The following BCL9 variants were observed in gnomAD, a reference collection of about 807,000 sequenced individuals.
The protein encoded by BCL9 is BCL9 transcription coactivator.
In BCL9, 25 loss-of-function variants were observed where a neutral mutation model predicts 88.5. The ratio of observed to expected loss-of-function variants is 0.28; its 90% CI spans 0.21 to 0.39. The LOEUF is 0.39. BCL9 is among the 10% of genes least tolerant of loss of function. BCL9 has a pLI of 1.00. For synonymous variants in BCL9, 711 were observed against 673.3 expected, an observed-to-expected ratio of 1.06 and a Z score of -0.87; for missense variants, 1,817 against 1,877.8, an observed-to-expected ratio of 0.97 and a Z score of 0.60.
In BCL9 at chr1:147,619,896, C is replaced by A; in HGVS notation, c.1741C>A (p.Pro581Thr). The stretch of plus-strand genomic sequence containing the variant: ...AATGGAAGGGCCGAATGTCCCCAAC[C>A]CTGCATCTAGACCAGGTCTTTCTGG... ...SEMEGPNVPN[P>T]ASRPGLSGVS... Residue 581 changes from proline (P) to threonine (T), a missense_variant, in exon 8 of 10, where the codon CCT (proline) becomes ACT (threonine). Physicochemically the swap from Pro to Thr is conservative, Grantham distance 38 (BLOSUM62 -1). Around this residue, in one of 2 missense-constraint regions of BCL9, gnomAD observed 1,228 missense variants for 1,191.6 expected, o/e 1.03. Coordinates refer to ENST00000234739, the MANE Select transcript of BCL9 (RefSeq NM_004326.4). This position sits in a 1 kb window ranked among gnomAD's most constrained non-coding sequence, Gnocchi z 4.1. The A allele has an allele frequency of 2.5e-6, 4 of 1,614,202 alleles. No homozygotes were observed. Among genetic ancestry groups the A allele is most frequent in the Non-Finnish European group, 3.4e-6 (4 of 1,180,042 alleles).
At chr1:147,558,251 T>C (rs1463873770) in intron 1 of BCL9, among the ~76,000 whole-genome samples, 1 of 152,180 alleles carries the variant, frequency 6.6e-6, no homozygotes, top group Non-Finnish European at 1.5e-5. Flanking sequence ...CAGATTAATC[T>C]GTCTCAAAAT....
At chr1:147,586,731 G>C (rs1656619092) in intron 1 of BCL9, among the ~76,000 whole-genome samples, 1 of 152,092 alleles carries the variant, frequency 6.6e-6, no homozygotes, top group Non-Finnish European at 1.5e-5. Flanking sequence ...CGGCTATGCT[G>C]TTCTTTTACC....
At chr1:147,584,478 A>T (rs628928) in intron 1 of BCL9, among the ~76,000 whole-genome samples, 8 of 151,928 alleles carry the variant, frequency 5.3e-5, no homozygotes, top group African/African-American at 1.9e-4. Flanking sequence ...CAGACAGTAG[A>T]ATTATTATTC....
chr1:147,588,358 T>A (rs1054300817), intron 1 of BCL9, among the ~76,000 whole-genome samples: 2 of 151,586 alleles, frequency 1.3e-5, no homozygotes, highest in Non-Finnish European at 2.9e-5. Context: ...CTTCCTTTCC[T>A]ACTCTCCACT....
intron 1 of BCL9, among the ~76,000 whole-genome samples, chr1:147,589,906 T>C (rs1394253738): frequency 1.3e-5 from 2 of 152,210 alleles, no homozygotes; most frequent in Non-Finnish European, 2.9e-5. Context: ...TTTAACAAAC[T>C]GCTAAACTGT....
chr1:147,548,791 C>T (rs1217316465), intron 1 of BCL9, among the ~76,000 whole-genome samples: 1 of 151,626 alleles, frequency 6.6e-6, no homozygotes, highest in Non-Finnish European at 1.5e-5. Context: ...TAGTGAGACC[C>T]TGTCTCAAAA....
chr1:147,548,166 G>A (rs1654690227), intron 1 of BCL9, among the ~76,000 whole-genome samples: 1 of 152,116 alleles, frequency 6.6e-6, no homozygotes. Flanking sequence ...GTTATCCTTA[G>A]GGCTTGTGTA....
chr1:147,618,208 G>A (rs1362887812), intron 7 of BCL9, among the ~76,000 whole-genome samples: 4 of 152,116 alleles, frequency 2.6e-5, no homozygotes, highest in East Asian at 1.9e-4. Flanking sequence ...AACCAAAAAC[G>A]GAAACCAGAG....
intron 1 of BCL9, among the ~76,000 whole-genome samples, chr1:147,575,660 T>C (rs1656073852): frequency 6.6e-6 from 1 of 152,214 alleles, no homozygotes; most frequent in Admixed American, 6.5e-5. Context: ...TTTTCTTTCC[T>C]CTCATTTCAA....
chr1:147,568,793 C>A (rs1441758053), intron 1 of BCL9, among the ~76,000 whole-genome samples: 1 of 152,266 alleles, frequency 6.6e-6, no homozygotes, highest in African/African-American at 2.4e-5. Flanking sequence ...AGAAGGAATA[C>A]ATTTCTTTAA....
intron 1 of BCL9, among the ~76,000 whole-genome samples, chr1:147,550,505 A>G (rs1654841116): frequency 6.6e-6 from 1 of 152,216 alleles, no homozygotes; most frequent in Non-Finnish European, 1.5e-5. Flanking sequence ...TAGCTCTTAG[A>G]TGAGTGACGT....
At position 147,619,548 on chromosome 1, in the gene BCL9, A is replaced by G. The variant is rs1318865385; in HGVS notation, c.1393A>G (p.Met465Val). 3.1e-6 allele frequency: 5 copies of G among 1,614,004 alleles called. No homozygotes were observed. Among genetic ancestry groups the G allele is most frequent in the Admixed American group, 3.3e-5 (2 of 60,010 alleles). Residue 465 changes from methionine to valine, a missense_variant, in exon 8 of 10, where the codon ATG becomes GTG. By Grantham distance (21) the Met-to-Val change is conservative. Transcript: ENST00000234739. The surrounding 1 kb of genome is among the most constrained non-coding windows in gnomAD (Gnocchi z 4.1). ...CATAGGACCCGACCACCTTGACCAT[A>G]TGACTCCCGAGCAGATAGCGTGGCT... The part of the protein sequence containing the change: ...GTIGPDHLDH[M>V]TPEQIAWLKL...
intron 2 of BCL9, among the ~76,000 whole-genome samples, chr1:147,605,373 C>CG (rs1657641254): frequency 6.6e-6 from 1 of 152,072 alleles, no homozygotes; most frequent in South Asian, 2.1e-4. Context: ...ATTATAATGC[C>CG]GGGGGCCATG....
In BCL9 at chr1:147,619,330, C is replaced by T. The variant is rs1658473197; in HGVS notation, c.1175C>T (p.Pro392Leu). 7.4e-6 allele frequency: 12 copies of T among 1,613,918 alleles called. No homozygotes were observed. Among genetic ancestry groups the T allele is most frequent in the Non-Finnish European group, 1.0e-5 (12 of 1,180,026 alleles). The change falls in exon 8 of 10, where the codon CCT becomes CTT. Residue 392 changes from proline (P) to leucine (L), a missense_variant. Physicochemically the swap from Pro to Leu is moderately conservative, Grantham distance 98. Coordinates refer to ENST00000234739, the MANE Select transcript of BCL9 (RefSeq NM_004326.4). The surrounding 1 kb of genome is among the most constrained non-coding windows in gnomAD (Gnocchi z 4.1). ...GAQSGGPQQN[P>L]GVLDGPQKKP... ...CAAAGTGGGGGACCGCAGCAGAATC[C>T]TGGGGTATTAGATGGGCCTCAGAAA...
intron 1 of BCL9, among the ~76,000 whole-genome samples, chr1:147,558,450 G>A (rs1553195683): frequency 1.3e-5 from 2 of 152,158 alleles, no homozygotes; most frequent in South Asian, 4.1e-4. Flanking sequence ...GGATTTCTAA[G>A]AGTAGAAGGA....
rs147885873 is a variant in BCL9 at position 147,623,969 on chromosome 1, C to T, written c.3291C>T (p.Ala1097=). The T allele has an allele frequency of 6.0e-4, 966 of 1,614,168 alleles. 9 individuals are homozygous for T. In the South Asian group the frequency reaches 9.8e-3, roughly 16 times the overall value. The change falls in exon 10 of 10, where the codon GCC becomes GCT. Residue 1097 remains alanine (A), a synonymous_variant. Transcript: ENST00000234739. ...CCAATCAGATGCCCTCTCCAAATGC[C>T]GTGGGACCCAACATACCTCCTCATG... ...SHSNQMPSPN[A]VGPNIPPHGV...
At chr1:147,590,876 C>T (rs1003397211) in intron 1 of BCL9, among the ~76,000 whole-genome samples, 46 of 152,334 alleles carry the variant, frequency 3.0e-4, no homozygotes, top group African/African-American at 1.1e-3. Flanking sequence ...TGGGAGCTAT[C>T]TACTACGCCT....
Position 147,618,909 on chromosome 1 carries a change from A to G in BCL9, c.754A>G (p.Thr252Ala). 1 of 1,613,730 alleles carries G rather than the reference A, an allele frequency of 6.2e-7. No homozygotes were observed. Among genetic ancestry groups the G allele is most frequent in the Non-Finnish European group, 8.5e-7 (1 of 1,179,762 alleles). ...CCAGGACCAGAATTCTTCCCAGAAT[A>G]CCAGACTGCAGCCAACTCCACCCAT... ...ANQDQNSSQN[T>A]RLQPTPPIPA... Residue 252 changes from threonine to alanine, a missense_variant, in exon 8 of 10, where the codon ACC becomes GCC. Around this residue, in one of 2 missense-constraint regions of BCL9, gnomAD observed 1,228 missense variants for 1,191.6 expected, o/e 1.03. Coordinates refer to ENST00000234739, the MANE Select transcript of BCL9 (RefSeq NM_004326.4).
At chr1:147,610,454 T>C (rs1302675843) in intron 3 of BCL9, among the ~76,000 whole-genome samples, 1 of 152,202 alleles carries the variant, frequency 6.6e-6, no homozygotes, top group African/African-American at 2.4e-5. Context: ...GTGACAGTGA[T>C]CATAGTGCTA....
Sources: gnomAD v4.1 joint callset for allele counts (sites outside exome capture counted in the v4.1 genomes callset) on GRCh38, gnomAD v4.1.1 for gene constraint, gnomAD v4.1.1 regional missense constraint, Gnocchi (gnomAD v3.1) non-coding constraint, MANE v1.5 for transcripts, NCBI Gene and HGNC (gene_info 2026-07-23, HGNC 2026-07-21) for gene names.